Variants in IKZF2 observed in about 807,000 individuals in gnomAD.
The protein encoded by IKZF2 is zinc finger protein Helios.
In IKZF2, 15 loss-of-function variants were observed where a neutral mutation model predicts 49.2. The observed-to-expected ratio is 0.30, with a 90% confidence interval of 0.20 to 0.47. The LOEUF (loss-of-function observed/expected upper bound fraction) is 0.47. Ranked by LOEUF, IKZF2 falls within the 20% of genes least tolerant of loss-of-function variation. The pLI, the probability that IKZF2 is intolerant of heterozygous loss-of-function variation, is 1.00. For missense variants in IKZF2, 567 were observed against 664.6 expected (o/e 0.85, Z 1.61); for synonymous variants, 227 against 221.4 (o/e 1.03, Z -0.23).
chr2:213,096,512 A>G (rs952831316), intron 4 of IKZF2, among the ~76,000 whole-genome samples: 1 of 151,978 alleles, frequency 6.6e-6, no homozygotes, highest in Non-Finnish European at 1.5e-5. Flanking sequence ...TTACCTCTCT[A>G]TAATAACCTA....
chr2:213,078,804 A>G (rs972885046), intron 4 of IKZF2, among the ~76,000 whole-genome samples: 21 of 152,170 alleles, frequency 1.4e-4, no homozygotes, highest in African/African-American at 4.1e-4. Context: ...TTCTGCTGTC[A>G]TTTCCTGCCA....
At chr2:213,092,185 C>G (rs554193193) in intron 4 of IKZF2, among the ~76,000 whole-genome samples, 77 of 152,112 alleles carry the variant, frequency 5.1e-4, no homozygotes, top group African/African-American at 1.8e-3. Flanking sequence ...ACCACCACAC[C>G]TAGCTAATTT....
intron 4 of IKZF2, among the ~76,000 whole-genome samples, chr2:213,121,953 G>A (rs2060072655): frequency 6.6e-6 from 1 of 152,056 alleles, no homozygotes; most frequent in Admixed American, 6.6e-5. Flanking sequence ...AGAGAGAAGT[G>A]CAGAAATAAA....
chr2:213,141,041 T>G (rs1329880953), intron 4 of IKZF2, among the ~76,000 whole-genome samples: 2 of 151,894 alleles, frequency 1.3e-5, no homozygotes, highest in Non-Finnish European at 2.9e-5. Flanking sequence ...AAGCTAAATC[T>G]TTTCCCGGAA....
intron 4 of IKZF2, among the ~76,000 whole-genome samples, chr2:213,138,842 G>GT (rs995133852): frequency 4.0e-5 from 6 of 151,816 alleles, no homozygotes; most frequent in Admixed American, 2.0e-4. Context: ...CTGGTTTGGT[G>GT]TTTTTTTTCC....
intron 5 of IKZF2, among the ~76,000 whole-genome samples, chr2:213,050,787 A>C (rs76038911): frequency 6.6e-6 from 1 of 152,284 alleles, no homozygotes; most frequent in East Asian, 1.9e-4. Context: ...GCAATGAAGC[A>C]GTACAACTGG....
At chr2:213,111,542 T>C (rs368591585) in intron 4 of IKZF2, among the ~76,000 whole-genome samples, 1 of 152,058 alleles carries the variant, frequency 6.6e-6, no homozygotes, top group Non-Finnish European at 1.5e-5. Context: ...TCTCTACCTA[T>C]CAAATTTTTA....
chr2:213,147,620 G>A, intron 4 of IKZF2, 88 bp downstream of exon 4: 3 of 915,022 alleles, frequency 3.3e-6, no homozygotes, highest in Non-Finnish European at 5.5e-6. Flanking sequence ...ATACCACAAT[G>A]TGAGAGGACC....
chr2:213,053,572 G>C (rs749880876), intron 5 of IKZF2, among the ~76,000 whole-genome samples: 7 of 152,126 alleles, frequency 4.6e-5, no homozygotes, highest in Non-Finnish European at 8.8e-5. Flanking sequence ...TTGAGCAAGA[G>C]GATGGCTGCA....
At chr2:213,068,151 G>A (rs1317670236) in intron 4 of IKZF2, among the ~76,000 whole-genome samples, 1 of 152,042 alleles carries the variant, frequency 6.6e-6, no homozygotes, top group Non-Finnish European at 1.5e-5. Context: ...TAGTTAAAGG[G>A]CATATAAATG....
At chr2:213,013,416 A>AC (rs397686760) in intron 8 of IKZF2, among the ~76,000 whole-genome samples, 4 of 151,298 alleles carry the variant, frequency 2.6e-5, no homozygotes, top group Non-Finnish European at 4.4e-5. Context: ...TAAAAAAAAA[A>AC]CAGCTAAAAA....
Position 213,124,235 on chromosome 2 carries a change from T to TGCACTCGCGCGCGC in IKZF2, c.139+23472_139+23473insGCGCGCGCGAGTGC, listed in dbSNP as rs1491243894. Among the ~76,000 whole-genome samples the TGCACTCGCGCGCGC allele has an allele frequency of 5.4e-4, 62 of 115,194 alleles. 2 individuals carry two copies. The highest frequency in any genetic ancestry group is 1.8e-3 in the Admixed American group (20 of 11,390). 75.6% of individuals were successfully genotyped at this position (115,194 alleles called of 152,430 possible). A position where few individuals can be genotyped will look rare whatever the true frequency, so the allele number is the denominator to read the frequency against. ...GCATGTCCTTGTGTGCACGCACACA[T>TGCACTCGCGCGCGC]GCGCTCGCGCGCGCGCGCACACACA... On this transcript the variant is annotated intron_variant, in intron 4 of 8. Coordinates refer to ENST00000434687, the MANE Select transcript of IKZF2 (RefSeq NM_001387220.1).
intron 6 of IKZF2, among the ~76,000 whole-genome samples, chr2:213,031,791 ATCTC>A (rs1173501436): frequency 6.6e-6 from 1 of 152,208 alleles, no homozygotes; most frequent in Non-Finnish European, 1.5e-5. Context: ...TAGATGCTTA[ATCTC>A]TCTAAATTTT....
At chr2:213,046,730 A>C (rs768183134) in intron 6 of IKZF2, among the ~76,000 whole-genome samples, 1 of 152,180 alleles carries the variant, frequency 6.6e-6, no homozygotes, top group African/African-American at 2.4e-5. Flanking sequence ...ATTGGTACAA[A>C]ATGTAATGAT....
chr2:213,090,444 G>C (rs189170213), intron 4 of IKZF2, among the ~76,000 whole-genome samples: 1 of 152,074 alleles, frequency 6.6e-6, no homozygotes, highest in Admixed American at 6.6e-5. Flanking sequence ...GGTCTTTTCT[G>C]TCACTAACTC....
chr2:213,116,767 G>A (rs564750335), intron 4 of IKZF2, among the ~76,000 whole-genome samples: 15 of 152,228 alleles, frequency 9.9e-5, no homozygotes, highest in African/African-American at 3.6e-4. Context: ...TTATCATTTT[G>A]TATGGTAATT....
intron 4 of IKZF2, among the ~76,000 whole-genome samples, chr2:213,130,894 A>C (rs2060455582): frequency 6.6e-6 from 1 of 152,216 alleles, no homozygotes; most frequent in East Asian, 1.9e-4. Context: ...TTACTTCTTA[A>C]GAAGATGATC....
chr2:213,083,384 C>CTTTTTTTTTTT (rs753296985), intron 4 of IKZF2, among the ~76,000 whole-genome samples: 2 of 80,158 alleles, frequency 2.5e-5, no homozygotes, highest in African/African-American at 6.0e-5. Context: ...GACGGCGAAC[C>CTTTTTTTTTTT]TTTTTTTTTT....
chr2:213,103,982 A>C (rs552133273), intron 4 of IKZF2, among the ~76,000 whole-genome samples: 1 of 152,286 alleles, frequency 6.6e-6, no homozygotes, highest in South Asian at 2.1e-4. Flanking sequence ...TTTAGTATTC[A>C]GAATTATATA....
Sources: gnomAD v4.1 joint callset for allele counts (sites outside exome capture counted in the v4.1 genomes callset) on GRCh38, gnomAD v4.1.1 for gene constraint, MANE v1.5 for transcripts, NCBI Gene and HGNC (gene_info 2026-07-23, HGNC 2026-07-21) for gene names.